The following PRKG1 variants were observed in gnomAD, a reference collection of about 807,000 sequenced individuals.
PRKG1 encodes the protein cGMP-dependent protein kinase 1.
Under a neutral mutation model 88.1 loss-of-function variants are expected in PRKG1, and 35 were observed. That is an observed-to-expected ratio of 0.40 (90% confidence interval 0.30 to 0.53). The LOEUF (loss-of-function observed/expected upper bound fraction) is 0.53, where lower values mean the gene tolerates loss of function less well. PRKG1 is among the 20% of genes least tolerant of loss of function. The pLI is 0.59. For missense variants in PRKG1, 540 were observed against 839.8 expected, an observed-to-expected ratio of 0.64 and a Z score of 4.41; for synonymous variants, 303 against 292.5, an observed-to-expected ratio of 1.04 and a Z score of -0.37.
intron 3 of PRKG1, among the ~76,000 whole-genome samples, chr10:51,773,336 A>G (rs1427772281): frequency 6.6e-6 from 1 of 152,114 alleles, no homozygotes; most frequent in Admixed American, 6.6e-5. Context: ...CTGCAAATAC[A>G]GATTTCCATA....
intron 4 of PRKG1, among the ~76,000 whole-genome samples, chr10:51,884,315 C>T (rs531194879): frequency 6.9e-6 from 1 of 145,758 alleles, no homozygotes; most frequent in Non-Finnish European, 1.5e-5. Context: ...CGTGGTGGCG[C>T]GCGCCTGTAG....
At chr10:51,543,855 G>A (rs1176865324) in intron 3 of PRKG1, among the ~76,000 whole-genome samples, 1 of 152,164 alleles carries the variant, frequency 6.6e-6, no homozygotes, top group Non-Finnish European at 1.5e-5. Flanking sequence ...GGAAGCTTTA[G>A]TTCAGACAGG....
intron 3 of PRKG1, among the ~76,000 whole-genome samples, chr10:51,498,405 T>C (rs1301110178): frequency 6.6e-6 from 1 of 152,200 alleles, no homozygotes; most frequent in Non-Finnish European, 1.5e-5. Flanking sequence ...AAAATAGAAT[T>C]GTTCCCTTAG....
At chr10:51,407,085 C>T (rs1244698191) in intron 2 of PRKG1, among the ~76,000 whole-genome samples, 1 of 152,134 alleles carries the variant, frequency 6.6e-6, no homozygotes, top group Non-Finnish European at 1.5e-5. Context: ...TAAATGATGC[C>T]CACCGGGATT....
intron 1 of PRKG1, among the ~76,000 whole-genome samples, chr10:51,103,089 A>G (rs985159213): frequency 6.6e-6 from 1 of 152,018 alleles, no homozygotes; most frequent in Admixed American, 6.6e-5. Context: ...TATGGAATTG[A>G]GAAAATCTTC....
At chr10:51,487,733 G>A (rs1314933023) in intron 3 of PRKG1, among the ~76,000 whole-genome samples, 4 of 152,122 alleles carry the variant, frequency 2.6e-5, no homozygotes, top group African/African-American at 9.7e-5. Flanking sequence ...CCTGGACAAC[G>A]AAGCTCGTAA....
At chr10:52,021,523 T>G (rs1158069544) in intron 5 of PRKG1, among the ~76,000 whole-genome samples, 1 of 152,234 alleles carries the variant, frequency 6.6e-6, no homozygotes, top group African/African-American at 2.4e-5. Context: ...ACATTACTAT[T>G]AAGTGAACAA....
intron 3 of PRKG1, among the ~76,000 whole-genome samples, chr10:51,803,351 G>A (rs767650309): frequency 7.9e-5 from 12 of 152,090 alleles, no homozygotes; most frequent in Non-Finnish European, 1.5e-4. Flanking sequence ...GTTGGCCAAA[G>A]GAGGAGTCAT....
chr10:51,812,256 G>T (rs763647971), intron 4 of PRKG1, among the ~76,000 whole-genome samples: 1 of 152,328 alleles, frequency 6.6e-6, no homozygotes, highest in South Asian at 2.1e-4. Context: ...CATCCTGCTG[G>T]TTGTGGAAGT....
At chr10:51,485,107 A>G (rs916484643) in intron 3 of PRKG1, among the ~76,000 whole-genome samples, 4 of 152,190 alleles carry the variant, frequency 2.6e-5, no homozygotes, top group African/African-American at 9.6e-5. Context: ...CTTTTGCTCA[A>G]CATTTTAAAT....
chr10:52,262,504 C>T (rs2132417982), intron 10 of PRKG1, among the ~76,000 whole-genome samples: 1 of 152,222 alleles, frequency 6.6e-6, no homozygotes, highest in Middle Eastern at 3.4e-3. Flanking sequence ...CTCCTGACCT[C>T]AAATGATCTG....
chr10:50,991,294 T>C lies in PRKG1; in HGVS notation c.-85T>C, dbSNP rs1464797370. On this transcript the variant is annotated 5_prime_UTR_variant, in exon 1 of 18. Transcript: ENST00000401604. The surrounding 1 kb of genome is among the most constrained non-coding windows in gnomAD (Gnocchi z 4.5). Reference sequence around the variant, plus strand: ...TCACTCGCTCACCCGCGCTCTCCGCTGCCGGCTGCCGTCCCAGCCGCCGCC... The same window carrying C: ...TCACTCGCTCACCCGCGCTCTCCGCCGCCGGCTGCCGTCCCAGCCGCCGCC... 2.8e-6 allele frequency: 4 copies of C among 1,450,794 alleles called. No homozygotes were observed. The highest frequency in any genetic ancestry group is 1.4e-5 in the South Asian group (1 of 72,970). 89.9% of individuals were successfully genotyped at this position (1,450,794 alleles called of 1,614,324 possible).
intron 4 of PRKG1, among the ~76,000 whole-genome samples, chr10:51,822,483 G>T (rs572929728): frequency 6.6e-6 from 1 of 152,092 alleles, no homozygotes; most frequent in Non-Finnish European, 1.5e-5. Flanking sequence ...TAAGAGAAAC[G>T]TAGATAGAAT....
chr10:51,996,314 C>CAA (rs59174399), intron 5 of PRKG1, among the ~76,000 whole-genome samples: 387 of 30,012 alleles, frequency 0.013, 84 homozygotes, highest in African/African-American at 0.04. Flanking sequence ...GACTCCATCT[C>CAA]AAAAAAAAAA....
chr10:51,232,119 T>G lies in PRKG1; in HGVS notation c.478+78789T>G, dbSNP rs539605528. On this transcript the variant is annotated intron_variant, in intron 2 of 17. Transcript: ENST00000373980. ...GGTTCACAGTGGAGACTTATGCATG[T>G]AGGGGAGCAATTTCTGTGGGCATGT... is the stretch of plus-strand genomic sequence containing the variant. 3.3e-5 allele frequency among the ~76,000 whole-genome samples: 5 copies of G among 152,280 alleles called. No individual in the cohort carries two copies. In the East Asian group the frequency reaches 9.6e-4, roughly 29 times the overall value.
In PRKG1 at chr10:51,212,586, C is replaced by G. The variant is rs905975216; in HGVS notation, c.478+59256C>G. ...TACTCATCTGACAAAGGGCTAATAT[C>G]CAGAATCTACAATGAACCCCAACAA... On this transcript the variant is annotated intron_variant, in intron 2 of 17. Transcript: ENST00000373980. 4.5e-4 allele frequency among the ~76,000 whole-genome samples: 69 copies of G among 152,288 alleles called. 2 individuals are homozygous for G. The highest frequency in any genetic ancestry group is 4.2e-4 in the South Asian group (2 of 4,816).
rs1388251461 is a variant in PRKG1 at position 51,670,590 on chromosome 10, G to T, written c.593-133995G>T. Among the ~76,000 whole-genome samples, 4 of 149,206 alleles carry T rather than the reference G, an allele frequency of 2.7e-5. No homozygotes were observed. In the South Asian group the frequency reaches 6.3e-4, roughly 23 times the overall value. ...TCTCTACTAAAAATACAAAAAATTA[G>T]CCGGGCGTAGTGGCGGGCGCCTGTA... is the stretch of plus-strand genomic sequence containing the variant. On this transcript the variant is annotated intron_variant, in intron 3 of 17. Coordinates refer to ENST00000373980, the MANE Select transcript of PRKG1 (RefSeq NM_006258.4).
intron 4 of PRKG1, among the ~76,000 whole-genome samples, chr10:51,900,232 T>A (rs1461088093): frequency 2.0e-5 from 3 of 152,160 alleles, no homozygotes; most frequent in Non-Finnish European, 2.9e-5. Context: ...AAATACAACC[T>A]CACAGATATA....
At chr10:51,349,030 C>A (rs976730192) in intron 2 of PRKG1, among the ~76,000 whole-genome samples, 1 of 152,198 alleles carries the variant, frequency 6.6e-6, no homozygotes, top group Non-Finnish European at 1.5e-5. Context: ...TAATCCCTTA[C>A]CATAAGTCAG....
Sources: gnomAD v4.1 joint callset for allele counts (sites outside exome capture counted in the v4.1 genomes callset) on GRCh38, gnomAD v4.1.1 for gene constraint, Gnocchi (gnomAD v3.1) non-coding constraint, MANE v1.5 for transcripts, NCBI Gene and HGNC (gene_info 2026-07-23, HGNC 2026-07-21) for gene names.